The following TSGA10 variants were observed in gnomAD, a reference collection of about 807,000 sequenced individuals.
The protein encoded by TSGA10 is testis specific 10.
Under a neutral mutation model 96.6 loss-of-function variants are expected in TSGA10, and 43 were observed. That is an observed-to-expected ratio of 0.44 (90% CI 0.35 to 0.57). TSGA10 has a LOEUF of 0.57. Among genes scored for constraint, TSGA10 ranks in the 20% least tolerant of loss-of-function variants. The pLI is 0.01. For synonymous variants in TSGA10, 229 were observed against 269.9 expected (o/e 0.85, Z 1.48); for missense variants, 703 against 834.4 (o/e 0.84, Z 1.94).
chr2:99,049,568 C>T (rs756485002), intron 16 of TSGA10, among the ~76,000 whole-genome samples: 100 of 151,766 alleles, frequency 6.6e-4, no homozygotes, highest in Non-Finnish European at 1.1e-3. Context: ...CATCACACAC[C>T]GGGGCCTGTC....
At position 99,124,597 on chromosome 2, in the gene TSGA10, T is replaced by A. The variant is rs963545931; in HGVS notation, c.-492+2451A>T. Among the ~76,000 whole-genome samples, 15 of 151,772 alleles carry A rather than the reference T, an allele frequency of 9.9e-5. No individual in the cohort carries two copies. The South Asian group carries it at 1.5e-3, about 15-fold the overall frequency. On this transcript the variant is annotated intron_variant, in intron 2 of 20. Coordinates refer to ENST00000393483, the MANE Select transcript of TSGA10 (RefSeq NM_025244.4). ...ATACTGTTACATTATATATATATAT[T>A]TTTTTGAGACAGAATCTCGGTCTGT...
intron 16 of TSGA10, among the ~76,000 whole-genome samples, chr2:99,058,983 C>A (rs2084316388): frequency 3.4e-5 from 5 of 148,668 alleles, no homozygotes; most frequent in African/African-American, 1.2e-4. Context: ...TTGCAGCAAG[C>A]TGAGATCACA....
At chr2:99,075,282 T>C (rs535550442) in intron 12 of TSGA10, among the ~76,000 whole-genome samples, 1 of 152,318 alleles carries the variant, frequency 6.6e-6, no homozygotes, top group Non-Finnish European at 1.5e-5. Flanking sequence ...CAACCTCATA[T>C]GTTGTCCAAC....
At chr2:99,101,884 T>C in intron 10 of TSGA10, 2 of 575,210 alleles carry the variant, frequency 3.5e-6, no homozygotes, top group Non-Finnish European at 6.3e-6. Flanking sequence ...AAGGATTGAC[T>C]GGAGGGGGAA....
chr2:99,031,276 A>G (rs550625648), intron 17 of TSGA10, among the ~76,000 whole-genome samples: 12 of 119,194 alleles, frequency 1.0e-4, no homozygotes, highest in Admixed American at 6.2e-4. Context: ...GAAGGTGGAT[A>G]CTCATAGGCC....
At chr2:99,011,856 CA>C (rs1371538607) in intron 20 of TSGA10, among the ~76,000 whole-genome samples, 1 of 152,082 alleles carries the variant, frequency 6.6e-6, no homozygotes, top group Non-Finnish European at 1.5e-5. Context: ...AAATTCATTG[CA>C]AAAAGATCAT....
At chr2:99,068,238 A>T (rs561360196) in intron 15 of TSGA10, among the ~76,000 whole-genome samples, 36 of 152,226 alleles carry the variant, frequency 2.4e-4, no homozygotes, top group Non-Finnish European at 3.5e-4. Context: ...ATGATAAAAT[A>T]GTATAGGTGG....
rs1339116145 is a variant in TSGA10 at position 99,071,768 on chromosome 2, T to C, written c.1045A>G (p.Ile349Val). The change falls in exon 14 of 21, where the codon ATC becomes GTC. Residue 349 changes from isoleucine (I) to valine (V), a missense_variant. By Grantham distance (29) the Ile-to-Val change is conservative (BLOSUM62 3). This residue lies in a region of TSGA10 where 585 missense variants were observed against 656.8 expected (regional missense o/e 0.89). Transcript: ENST00000393483. ...ELAQIARERD[I>V]LAHDNDNLQE... ...AGATTGTCATTGTCATGAGCCAAGATATCTCTTTCCCTGGCGATCTGGGCC... is the reference window on the plus strand; with the variant it reads ...AGATTGTCATTGTCATGAGCCAAGACATCTCTTTCCCTGGCGATCTGGGCC... 4 of 1,613,904 alleles carry C rather than the reference T, an allele frequency of 2.5e-6. No homozygotes were observed. The highest frequency in any genetic ancestry group is 3.3e-5 in the Admixed American group (2 of 60,002).
At chr2:99,109,253 CTCTG>C in intron 6 of TSGA10, 132 bp downstream of exon 6, 1 of 930,500 alleles carries the variant, frequency 1.1e-6, no homozygotes, top group South Asian at 1.5e-5. Context: ...TCAAAGAGAC[CTCTG>C]TCTCTCAACC....
chr2:99,109,969 C>T (rs976176757), intron 5 of TSGA10, among the ~76,000 whole-genome samples: 1 of 152,084 alleles, frequency 6.6e-6, no homozygotes, highest in Non-Finnish European at 1.5e-5. Flanking sequence ...TCAAGACCAG[C>T]CTGGTCAACA....
At chr2:99,000,761 A>T (rs1167740756) in intron 20 of TSGA10, among the ~76,000 whole-genome samples, 1 of 151,710 alleles carries the variant, frequency 6.6e-6, no homozygotes, top group East Asian at 1.9e-4. Context: ...TGCTCGGGAC[A>T]CTCCCACTCT....
intron 4 of TSGA10, among the ~76,000 whole-genome samples, chr2:99,115,803 C>T (rs1480886382): frequency 1.1e-4 from 17 of 152,166 alleles, no homozygotes; most frequent in Admixed American, 6.5e-5. Context: ...CACTTGAACC[C>T]GGGAGGTGGA....
intron 1 of TSGA10, among the ~76,000 whole-genome samples, chr2:99,130,226 T>C (rs766354437): frequency 2.0e-5 from 3 of 152,182 alleles, no homozygotes; most frequent in East Asian, 1.9e-4. Context: ...CACAAATTAG[T>C]TGAATTTACA....
In TSGA10 at chr2:99,081,333, AT is replaced by A; in HGVS notation, c.675del (p.Lys225AsnfsTer69). On this transcript the variant is annotated frameshift_variant, in exon 11 of 21. Coordinates refer to ENST00000393483, the MANE Select transcript of TSGA10 (RefSeq NM_025244.4). LOFTEE classifies it high-confidence loss of function. ...SDTQRHLAKK[K>X]YELQLTQEKI... The stretch of plus-strand genomic sequence containing the variant: ...TTCTCCTGAGTAAGCTGTAGCTCAT[AT>A]TTTTTCTTAGCAAGGTGTCGCTGAG... 1 of 1,598,218 alleles carries A rather than the reference AT, an allele frequency of 6.3e-7. No homozygotes were observed. The highest frequency in any genetic ancestry group is 8.5e-7 in the Non-Finnish European group (1 of 1,172,614).
intron 15 of TSGA10, among the ~76,000 whole-genome samples, chr2:99,066,701 T>C (rs1032382005): frequency 6.6e-6 from 1 of 152,112 alleles, no homozygotes; most frequent in African/African-American, 2.4e-5. Context: ...TATCCTCCCA[T>C]AGAGGCCAGA....
At chr2:99,071,132 G>A (rs2085913302) in intron 14 of TSGA10, among the ~76,000 whole-genome samples, 1 of 152,074 alleles carries the variant, frequency 6.6e-6, no homozygotes, top group African/African-American at 2.4e-5. Context: ...ACAAAGTGGG[G>A]AAAACCATTT....
chr2:99,013,601 G>A (rs1303353008), intron 20 of TSGA10, among the ~76,000 whole-genome samples: 1 of 151,794 alleles, frequency 6.6e-6, no homozygotes, highest in African/African-American at 2.4e-5. Context: ...AAAGTGCTGG[G>A]ATTACAGGCG....
intron 12 of TSGA10, among the ~76,000 whole-genome samples, chr2:99,074,351 C>CATGTGTGTGTGTGTGTGTGT (rs1553462713): frequency 6.9e-6 from 1 of 145,038 alleles, no homozygotes; most frequent in Admixed American, 6.9e-5. Flanking sequence ...CACATATTTG[C>CATGTGTGTGTGTGTGTGTGT]GTGTGTGTGT....
At chr2:99,094,004 A>G (rs1456967431) in intron 10 of TSGA10, among the ~76,000 whole-genome samples, 2 of 152,218 alleles carry the variant, frequency 1.3e-5, no homozygotes, top group African/African-American at 2.4e-5. Context: ...TTCAAACTAT[A>G]CTACAAAGCT....
Sources: allele counts gnomAD v4.1 joint callset (sites outside exome capture counted in the v4.1 genomes callset), GRCh38; gene constraint gnomAD v4.1.1; regional missense constraint gnomAD v4.1.1; transcripts MANE v1.5; gene names NCBI Gene and HGNC (gene_info 2026-07-23, HGNC 2026-07-21).